The following EPC2 variants were observed in gnomAD, a reference collection of about 807,000 sequenced individuals.
The protein encoded by EPC2 is enhancer of polycomb homolog 2.
EPC2 carries 14 observed loss-of-function variants against 92.1 expected under a neutral mutation model. The ratio of observed to expected loss-of-function variants is 0.15; its 90% confidence interval spans 0.10 to 0.24. The LOEUF (loss-of-function observed/expected upper bound fraction) is 0.24. EPC2 is among the 10% of genes least tolerant of loss of function. EPC2 has a pLI of 1.00. For missense variants in EPC2, 755 were observed against 971.5 expected (o/e 0.78, Z 2.96); for synonymous variants, 340 against 334.7 (o/e 1.02, Z -0.17).
At chr2:148,647,599 G>T (rs1220525527) in intron 1 of EPC2, among the ~76,000 whole-genome samples, 2 of 146,750 alleles carry the variant, frequency 1.4e-5, no homozygotes, top group Non-Finnish European at 3.0e-5. Context: ...GAGCCACTGC[G>T]CCTGGCCGCG....
intron 1 of EPC2, among the ~76,000 whole-genome samples, chr2:148,673,499 C>T (rs973185074): frequency 3.3e-5 from 5 of 152,128 alleles, no homozygotes; most frequent in African/African-American, 9.7e-5. Context: ...ATTAAGTTAT[C>T]ATATTCTTCA....
At chr2:148,731,367 G>T (rs534978078) in intron 2 of EPC2, among the ~76,000 whole-genome samples, 2 of 152,228 alleles carry the variant, frequency 1.3e-5, no homozygotes, top group South Asian at 4.2e-4. Flanking sequence ...CTATCAAGAG[G>T]TTTAGATATT....
At chr2:148,707,720 A>G (rs1422622259) in intron 2 of EPC2, among the ~76,000 whole-genome samples, 1 of 152,236 alleles carries the variant, frequency 6.6e-6, no homozygotes, top group Non-Finnish European at 1.5e-5. Flanking sequence ...AACTAGATGG[A>G]AACTGAACAA....
At chr2:148,689,878 C>A (rs1681609714) in intron 1 of EPC2, among the ~76,000 whole-genome samples, 1 of 152,090 alleles carries the variant, frequency 6.6e-6, no homozygotes, top group African/African-American at 2.4e-5. Context: ...TGGAATTTTT[C>A]TTTCATCTGG....
At chr2:148,710,647 C>T (rs1359305168) in intron 2 of EPC2, among the ~76,000 whole-genome samples, 2 of 151,990 alleles carry the variant, frequency 1.3e-5, no homozygotes, top group African/African-American at 2.4e-5. Flanking sequence ...CACATATACA[C>T]CATGGAATAC....
chr2:148,688,707 A>G (rs1358034634), intron 1 of EPC2, among the ~76,000 whole-genome samples: 1 of 152,218 alleles, frequency 6.6e-6, no homozygotes, highest in African/African-American at 2.4e-5. Context: ...TGCATTTTGC[A>G]TAGCTTGACA....
chr2:148,715,666 A>G (rs186606440), intron 2 of EPC2, among the ~76,000 whole-genome samples: 1 of 152,188 alleles, frequency 6.6e-6, no homozygotes, highest in Admixed American at 6.5e-5. Flanking sequence ...TGATGCCTTC[A>G]TGTTTGTTCT....
chr2:148,774,620 T>TATTA (rs1450525704), intron 10 of EPC2, among the ~76,000 whole-genome samples: 2 of 111,028 alleles, frequency 1.8e-5, no homozygotes, highest in Non-Finnish European at 3.8e-5. Flanking sequence ...AAAAAAAATA[T>TATTA]ATTTTATATA....
At chr2:148,760,689 AAT>A (rs1683286545) in intron 4 of EPC2, among the ~76,000 whole-genome samples, 1 of 152,232 alleles carries the variant, frequency 6.6e-6, no homozygotes, top group Non-Finnish European at 1.5e-5. Context: ...ACTTATTTTT[AAT>A]ATTCGATGTG....
intron 5 of EPC2, among the ~76,000 whole-genome samples, chr2:148,762,461 G>C (rs1683319693): frequency 6.6e-6 from 1 of 151,970 alleles, no homozygotes. Flanking sequence ...TTTGTTTGCT[G>C]TGTACCTTAG....
At chr2:148,680,286 TG>T (rs988429709) in intron 1 of EPC2, among the ~76,000 whole-genome samples, 1 of 152,214 alleles carries the variant, frequency 6.6e-6, no homozygotes, top group Non-Finnish European at 1.5e-5. Flanking sequence ...AGATTGGACA[TG>T]CTTGTGAAGT....
At chr2:148,663,280 G>T (rs1199820738) in intron 1 of EPC2, among the ~76,000 whole-genome samples, 2 of 149,266 alleles carry the variant, frequency 1.3e-5, no homozygotes, top group Admixed American at 6.7e-5. Context: ...AAGCAGTGGC[G>T]CTATCTTGGC....
At chr2:148,742,014 T>G (rs1682888618) in intron 2 of EPC2, among the ~76,000 whole-genome samples, 1 of 152,230 alleles carries the variant, frequency 6.6e-6, no homozygotes, top group Admixed American at 6.5e-5. Flanking sequence ...GCTTTTTTCA[T>G]TTAATATTTA....
intron 1 of EPC2, among the ~76,000 whole-genome samples, chr2:148,654,371 T>C (rs1410429916): frequency 6.6e-6 from 1 of 152,106 alleles, no homozygotes; most frequent in Non-Finnish European, 1.5e-5. Context: ...AAATGTAGAG[T>C]ATTCCCATAC....
chr2:148,671,340 A>AT (rs1219765141), intron 1 of EPC2, among the ~76,000 whole-genome samples: 1 of 140,870 alleles, frequency 7.1e-6, no homozygotes, highest in Non-Finnish European at 1.5e-5. Flanking sequence ...TTGGCTGGGC[A>AT]TGATGGCTCA....
At chr2:148,686,882 A>G (rs1681538819) in intron 1 of EPC2, among the ~76,000 whole-genome samples, 2 of 152,200 alleles carry the variant, frequency 1.3e-5, no homozygotes, top group South Asian at 2.1e-4. Flanking sequence ...GATTTTTGGA[A>G]TGGTAAATGA....
At chr2:148,715,538 A>G (rs977019618) in intron 2 of EPC2, among the ~76,000 whole-genome samples, 6 of 151,976 alleles carry the variant, frequency 3.9e-5, no homozygotes. Context: ...GGTTGTATGT[A>G]TGTGATCTTA....
chr2:148,675,559 A>G (rs1331940883), intron 1 of EPC2, among the ~76,000 whole-genome samples: 1 of 152,164 alleles, frequency 6.6e-6, no homozygotes, highest in Non-Finnish European at 1.5e-5. Context: ...GTATAAAATG[A>G]TGGGCTTTCA....
At chr2:148,668,787 CT>C (rs1386234688) in intron 1 of EPC2, among the ~76,000 whole-genome samples, 7 of 151,960 alleles carry the variant, frequency 4.6e-5, no homozygotes, top group East Asian at 1.9e-4. Flanking sequence ...TTTTTCCCCC[CT>C]AATCTGGCTA....
Sources: allele counts gnomAD v4.1 joint callset (sites outside exome capture counted in the v4.1 genomes callset), GRCh38; gene constraint gnomAD v4.1.1; transcripts MANE v1.5; gene names NCBI Gene and HGNC (gene_info 2026-07-23, HGNC 2026-07-21).